The following BRSK2 variants were observed in gnomAD, a reference collection of about 807,000 sequenced individuals.
BRSK2 encodes the protein BR serine/threonine kinase 2, also known as serine/threonine-protein kinase BRSK2.
Under a neutral mutation model 83.3 loss-of-function variants are expected in BRSK2, and 19 were observed. The ratio of observed to expected loss-of-function variants is 0.23; its 90% CI spans 0.16 to 0.33. The LOEUF (loss-of-function observed/expected upper bound fraction) is 0.33. BRSK2 is among the 10% of genes least tolerant of loss of function. BRSK2 has a pLI of 1.00. For synonymous variants in BRSK2, 519 were observed against 435.4 expected (o/e 1.19, Z -2.39); for missense variants, 798 against 1,042.3 (o/e 0.77, Z 3.23).
chr11:1,458,283 G>A (rs1002912904), intron 18 of BRSK2, among the ~76,000 whole-genome samples: 3 of 152,078 alleles, frequency 2.0e-5, no homozygotes, highest in African/African-American at 7.2e-5. Context: ...TCAGCACGCA[G>A]CACTCCCCTG....
At chr11:1,421,601 C>A (rs1162027009) in intron 1 of BRSK2, among the ~76,000 whole-genome samples, 1 of 152,238 alleles carries the variant, frequency 6.6e-6, no homozygotes, top group Non-Finnish European at 1.5e-5. Context: ...CCCTCTGCAC[C>A]TGGCACTGGT....
intron 13 of BRSK2, 140 bp from the exon 14 acceptor site, chr11:1,450,447 C>T (rs1309271998): frequency 6.9e-6 from 4 of 576,002 alleles, no homozygotes; most frequent in Non-Finnish European, 1.2e-5. Context: ...CCCTTCCCGG[C>T]CAGCACCCCA....
At chr11:1,402,826 C>T (rs1382003183) in intron 1 of BRSK2, among the ~76,000 whole-genome samples, 1 of 152,102 alleles carries the variant, frequency 6.6e-6, no homozygotes, top group Non-Finnish European at 1.5e-5. Flanking sequence ...GCAGAGGAGG[C>T]GGGAGCGGCG....
Position 1,443,376 on chromosome 11 carries a change from C to T in BRSK2, c.606C>T (p.Cys202=), listed in dbSNP as rs377396917. ...GCCGGAAGGCGGACGTGTGGAGCTG[C>T]GGCGTCATCCTGTTCGCCTTGCTGG... ...YDGRKADVWS[C]GVILFALLVG... Residue 202 remains cysteine, a synonymous_variant, in exon 7 of 20, where the codon TGC becomes TGT. Transcript: ENST00000528841. 4.9e-5 allele frequency: 79 copies of T among 1,607,304 alleles called. No individual in the cohort carries two copies. The highest frequency in any genetic ancestry group is 4.5e-4 in the African/African-American group (34 of 74,888).
At chr11:1,457,614 C>T (rs964108974) in intron 18 of BRSK2, among the ~76,000 whole-genome samples, 14 of 152,254 alleles carry the variant, frequency 9.2e-5, no homozygotes, top group African/African-American at 3.1e-4. Context: ...CGTGGGGGCG[C>T]TGGGCGTCGT....
chr11:1,435,239 G>T (rs187232841), intron 1 of BRSK2, among the ~76,000 whole-genome samples: 32 of 129,322 alleles, frequency 2.5e-4, no homozygotes, highest in Admixed American at 4.7e-4. Context: ...CTCAGCGGAG[G>T]AGGGGTGCCG....
chr11:1,424,259 C>T (rs563946314), intron 1 of BRSK2, among the ~76,000 whole-genome samples: 28 of 152,266 alleles, frequency 1.8e-4, no homozygotes, highest in Admixed American at 7.2e-4. Flanking sequence ...GCCGGCCAGG[C>T]GGAGGGAGGT....
chr11:1,391,210 TCA>T (rs1328914897), intron 1 of BRSK2, among the ~76,000 whole-genome samples: 13 of 152,212 alleles, frequency 8.5e-5, no homozygotes, highest in African/African-American at 1.2e-4. Context: ...TCAGGCACAT[TCA>T]CAGAGTCGCC....
At position 1,461,869 on chromosome 11, in the gene BRSK2, C is replaced by T. The variant is rs188728397; in HGVS notation, c.*1146C>T. On this transcript the variant is annotated 3_prime_UTR_variant, in exon 20 of 20. Transcript: ENST00000528841. ...ACACACATCTAAAGACGGTGCGGCT[C>T]GCTCTGTCATGGGTTCCGTCTCTCT... 15 of 133,806 alleles carry T rather than the reference C, an allele frequency of 1.1e-4. No individual in the cohort carries two copies. Among genetic ancestry groups the T allele is most frequent in the Admixed American group, 7.4e-4 (10 of 13,592 alleles). 8.3% of individuals were successfully genotyped at this position (133,806 alleles called of 1,614,324 possible).
intron 19 of BRSK2, 47 bp from the exon 20 acceptor site, chr11:1,460,453 C>CTTT: frequency 8.7e-7 from 1 of 1,143,922 alleles, no homozygotes; most frequent in Non-Finnish European, 1.1e-6. Context: ...CCTTTTTTTT[C>CTTT]TTTTTTCCTT....
At chr11:1,414,299 T>G (rs1034334114) in intron 1 of BRSK2, among the ~76,000 whole-genome samples, 5 of 152,172 alleles carry the variant, frequency 3.3e-5, no homozygotes, top group Non-Finnish European at 5.9e-5. Context: ...CCTGGAAAGG[T>G]GTCTCCATGC....
At chr11:1,447,756 T>C in intron 12 of BRSK2, 1 of 1,576,606 alleles carries the variant, frequency 6.3e-7, no homozygotes, top group Non-Finnish European at 8.6e-7. Context: ...TGCCCGCGTG[T>C]GGCCGTCAGT....
intron 1 of BRSK2, among the ~76,000 whole-genome samples, chr11:1,403,039 C>T (rs1360197263): frequency 6.6e-6 from 1 of 152,280 alleles, no homozygotes; most frequent in South Asian, 2.1e-4. Flanking sequence ...CGGGCGGGAC[C>T]CCCCGGGGCC....
intron 1 of BRSK2, chr11:1,411,283 C>T (rs1847467188): frequency 1.5e-6 from 2 of 1,312,844 alleles, no homozygotes; most frequent in Admixed American, 3.8e-5. Flanking sequence ...GGAAAGCAGC[C>T]AGTGCCCCGC....
intron 1 of BRSK2, among the ~76,000 whole-genome samples, chr11:1,394,370 A>C (rs1233626600): frequency 3.0e-5 from 2 of 66,744 alleles, no homozygotes; most frequent in African/African-American, 7.9e-5. Flanking sequence ...GAGATGGGCC[A>C]TGGAGATGGG....
Position 1,442,590 on chromosome 11 carries a change from T to C in BRSK2, c.514T>C (p.Leu172=), listed in dbSNP as rs370817344. ...MASLQVGDSL[L]ETSCGSPHYA... ...GTCCCTGCAGGTTGGCGACAGCCTG[T>C]TGGAGACCAGCTGTGGGTACGTGGC... Residue 172 remains leucine, a synonymous_variant, in exon 5 of 20, where the codon TTG becomes CTG. Transcript: ENST00000528841. 3.1e-6 allele frequency: 5 copies of C among 1,612,230 alleles called. No individual in the cohort carries two copies. The highest frequency in any genetic ancestry group is 3.3e-4 in the Middle Eastern group (2 of 6,076).
intron 1 of BRSK2, among the ~76,000 whole-genome samples, chr11:1,402,502 G>T (rs191172278): frequency 6.8e-4 from 104 of 152,290 alleles, no homozygotes; most frequent in African/African-American, 2.5e-3. Flanking sequence ...AGGGTGGGTG[G>T]TGCTGCGTGT....
rs555087040 is a variant in BRSK2, at chr11:1,447,546, T to C, written c.1226+1639T>C. ...CCAGCAGAGACCCAGCTGCTTGGTG[T>C]TGGGCCACACAGGGCTGCTGACTGG... On this transcript the variant is annotated intron_variant, in intron 12 of 19. Transcript: ENST00000528841. Among the ~76,000 whole-genome samples, 13 of 152,322 alleles carry C rather than the reference T, an allele frequency of 8.5e-5. 1 individual carries two copies. In the South Asian group the frequency reaches 2.3e-3, roughly 27 times the overall value.
chr11:1,440,002 C>G (rs540537082), intron 3 of BRSK2, among the ~76,000 whole-genome samples: 1 of 152,322 alleles, frequency 6.6e-6, no homozygotes, highest in South Asian at 2.1e-4. Flanking sequence ...TCCCAGTCCG[C>G]ACGGCAGCTC....
Sources: allele counts gnomAD v4.1 joint callset (sites outside exome capture counted in the v4.1 genomes callset), GRCh38; gene constraint gnomAD v4.1.1; transcripts MANE v1.5; gene names NCBI Gene and HGNC (gene_info 2026-07-23, HGNC 2026-07-21).